Variants in HEPH observed in about 807,000 individuals in gnomAD.
HEPH encodes the protein hephaestin.
HEPH carries 69 observed loss-of-function variants against 80.8 expected under a neutral mutation model. That is an observed-to-expected ratio of 0.85 (90% confidence interval 0.70 to 1.04). The LOEUF is 1.04. Among genes scored for constraint, HEPH ranks in the 50% least tolerant of loss-of-function variants. The pLI is 0.00. For synonymous variants in HEPH, 431 were observed against 322.8 expected (o/e 1.34, Z -3.60); for missense variants, 1,115 against 891.3 (o/e 1.25, Z -3.20).
intron 10 of HEPH, 104 bp from the exon 11 acceptor site, chrX:66,198,774 G>A (rs755479970): frequency 5.2e-5 from 33 of 636,944 alleles, no homozygotes; most frequent in Non-Finnish European, 8.1e-5. Context: ...AATGGGAAAA[G>A]GAAATGGGAA....
chrX:66,180,722 G>A (rs1233880853), intron 4 of HEPH, among the ~76,000 whole-genome samples: 123 of 64,422 alleles, frequency 1.9e-3, no homozygotes, highest in Admixed American at 2.8e-3. Flanking sequence ...TATACTCTAA[G>A]TTTTAGGGTA....
intron 15 of HEPH, among the ~76,000 whole-genome samples, chrX:66,209,426 A>T (rs2088988160): frequency 8.9e-6 from 1 of 111,945 alleles, no homozygotes; most frequent in Non-Finnish European, 1.9e-5. Context: ...CATTCAAATA[A>T]GTTCTCATGC....
At chrX:66,165,771 CTTCCT>C (rs1293221291) in intron 1 of HEPH, among the ~76,000 whole-genome samples, 1 of 111,197 alleles carries the variant, frequency 9.0e-6, no homozygotes, top group Non-Finnish European at 1.9e-5. Flanking sequence ...TTCTTTTTTC[CTTCCT>C]TTGAGTGCCT....
At position 66,172,543 on chromosome X, in the gene HEPH, C is replaced by T. The variant is rs2086633529; in HGVS notation, c.356C>T (p.Ala119Val). The change falls in exon 3 of 21, where the codon GCC (alanine) becomes GTC (valine). Residue 119 changes from alanine (A) to valine (V), a missense_variant. By Grantham distance (64) the Ala-to-Val change is moderately conservative. This residue lies in a region of HEPH where 391 missense variants were observed against 343.6 expected (regional missense o/e 1.14). Coordinates refer to ENST00000343002, the MANE Select transcript of HEPH (RefSeq NM_001367233.3). Reference protein sequence around the residue: ...DVILIHLKNFATRPYTIHPHG... With the variant: ...DVILIHLKNFVTRPYTIHPHG... The stretch of plus-strand genomic sequence containing the variant: ...ATTCTTATTCACCTGAAGAATTTTG[C>T]CACTCGTCCCTATACCATCCACCCT... The T allele has an allele frequency of 1.7e-6, 2 of 1,207,227 alleles. No homozygotes were observed. The highest frequency in any genetic ancestry group is 2.2e-6 in the Non-Finnish European group (2 of 892,428).
At chrX:66,225,007 G>A (rs1487284513) in intron 15 of HEPH, among the ~76,000 whole-genome samples, 1 of 109,513 alleles carries the variant, frequency 9.1e-6, no homozygotes, top group Non-Finnish European at 1.9e-5. Context: ...CTGTGGTGGG[G>A]GTTGGTGGTG....
At chrX:66,181,913 C>A (rs2087174690) in intron 4 of HEPH, among the ~76,000 whole-genome samples, 1 of 109,318 alleles carries the variant, frequency 9.1e-6, no homozygotes, top group Admixed American at 9.7e-5. Context: ...CAGCTTTCTA[C>A]ATATGGCTAG....
At chrX:66,165,603 A>G (rs1372956204) in intron 1 of HEPH, among the ~76,000 whole-genome samples, 1 of 111,555 alleles carries the variant, frequency 9.0e-6, no homozygotes, top group Admixed American at 9.5e-5. Context: ...GCAAATTGTT[A>G]TGAATAATAG....
intron 11 of HEPH, 182 bp from the exon 12 acceptor site, chrX:66,200,358 A>C (rs2088366067): frequency 4.6e-6 from 2 of 438,614 alleles, no homozygotes; most frequent in African/African-American, 2.5e-5. Flanking sequence ...CACTCATCCC[A>C]AAGACAGAGA....
At chrX:66,167,685 A>G (rs2086434128) in intron 1 of HEPH, among the ~76,000 whole-genome samples, 1 of 112,092 alleles carries the variant, frequency 8.9e-6, no homozygotes, top group Admixed American at 9.5e-5. Flanking sequence ...CAGTGAATGT[A>G]AGTATTGGCA....
chrX:66,268,690 T>C (rs960535682), downstream of HEPH: 2 of 111,923 alleles, frequency 1.8e-5, no homozygotes, highest in Non-Finnish European at 3.8e-5. Flanking sequence ...TTTCTTCTTA[T>C]TTTGTAATCC....
rs144770762 is a variant in HEPH, at chrX:66,164,421, A to T, written c.-63A>T. On this transcript the variant is annotated 5_prime_UTR_variant, in exon 1 of 21. Coordinates refer to ENST00000343002, the MANE Select transcript of HEPH (RefSeq NM_001367233.3). Reference sequence around the variant, plus strand: ...GGACTCAGGCTGGGGTCTGCAGTGCAGCATTAATGGGCCGCTGACATGAAT... The same window carrying T: ...GGACTCAGGCTGGGGTCTGCAGTGCTGCATTAATGGGCCGCTGACATGAAT... The T allele has an allele frequency of 1.1e-5, 8 of 751,584 alleles. No homozygotes were observed. The East Asian group carries it at 1.1e-3, about 100-fold the overall frequency. 61.9% of individuals were successfully genotyped at this position (751,584 alleles called of 1,213,427 possible). A position where few individuals can be genotyped will look rare whatever the true frequency, so the allele number is the denominator to read the frequency against.
rs768361354 is a variant in HEPH, at chrX:66,258,967, C to T, written c.3024C>T (p.Ser1008=). Residue 1008 remains serine (S), a synonymous_variant, in exon 18 of 21, where the codon AGC becomes AGT. Coordinates refer to ENST00000343002, the MANE Select transcript of HEPH (RefSeq NM_001367233.3). The part of the protein sequence containing the change: ...DLHTIHFHAE[S]FLYRNGENYR... ...ACACCATCCACTTTCATGCAGAGAG[C>T]TTCCTCTATCGGGTGAGCTGGAAAA... The T allele has an allele frequency of 1.7e-6, 2 of 1,201,023 alleles. No homozygotes were observed.
intron 12 of HEPH, among the ~76,000 whole-genome samples, chrX:66,202,930 TATATATATACAC>T (rs1342584859): frequency 9.8e-6 from 1 of 102,072 alleles, no homozygotes; most frequent in African/African-American, 3.6e-5. Flanking sequence ...TATATATATA[TATATATATACAC>T]ACACACACAC....
At chrX:66,207,646 A>G (rs1289160434) in intron 14 of HEPH, among the ~76,000 whole-genome samples, 7 of 111,322 alleles carry the variant, frequency 6.3e-5, no homozygotes, top group African/African-American at 2.0e-4. Context: ...AACTATATAT[A>G]TACACAAGGA....
rs2087690679 is a variant in HEPH at position 66,189,773 on chromosome X, G to T, written c.898G>T (p.Glu300Ter). 1 of 1,211,363 alleles carries T rather than the reference G, an allele frequency of 8.3e-7. No individual in the cohort carries two copies. Among genetic ancestry groups the T allele is most frequent in the Non-Finnish European group, 1.1e-6 (1 of 895,380 alleles). ...VAWHLFGMGNEIDVHTAFFHG... is the reference protein window; with the variant it reads ...VAWHLFGMGN The stretch of plus-strand genomic sequence containing the variant: ...CTGGCACTTGTTTGGCATGGGCAAT[G>T]AAATTGATGTCCACACAGCATTTTT... The change falls in exon 6 of 21, where the codon GAA becomes TAA. Residue 300 changes from glutamate to a stop codon, truncating the protein, a stop_gained. Coordinates refer to ENST00000343002, the MANE Select transcript of HEPH (RefSeq NM_001367233.3). LOFTEE classifies it high-confidence loss of function.
chrX:66,231,278 A>G lies in HEPH; in HGVS notation c.2563+23032A>G, dbSNP rs1196504298. 3.5e-4 allele frequency among the ~76,000 whole-genome samples: 38 copies of G among 108,863 alleles called. 1 individual carries two copies. Among genetic ancestry groups the G allele is most frequent in the Non-Finnish European group, 4.4e-4 (23 of 52,482 alleles). The allele number at this position is 108,863 out of a possible 115,157, so 94.5% of individuals were successfully genotyped here. On this transcript the variant is annotated intron_variant, in intron 15 of 20. Transcript: ENST00000343002. ...GATGCGGGCTCTTTTTTGGTTCCAT[A>G]TGAACTTTGAAGTAGTTTTTTCCAA...
At chrX:66,189,181 T>A (rs1235830672) in intron 5 of HEPH, among the ~76,000 whole-genome samples, 1 of 112,024 alleles carries the variant, frequency 8.9e-6, no homozygotes, top group Non-Finnish European at 1.9e-5. Flanking sequence ...AACCATACAG[T>A]CCCCAAAGGA....
chrX:66,203,007 A>G (rs999864921), intron 12 of HEPH, among the ~76,000 whole-genome samples: 1 of 105,612 alleles, frequency 9.5e-6, no homozygotes, highest in Non-Finnish European at 1.9e-5. Context: ...ATAATAAATG[A>G]AAGATAGGGT....
At chrX:66,219,654 G>C (rs1261993316) in intron 15 of HEPH, among the ~76,000 whole-genome samples, 3 of 111,612 alleles carry the variant, frequency 2.7e-5, no homozygotes, top group Non-Finnish European at 3.8e-5. Flanking sequence ...TTCTCTCAGG[G>C]GGCCATGTAT....
Sources: allele counts gnomAD v4.1 joint callset (sites outside exome capture counted in the v4.1 genomes callset), GRCh38; gene constraint gnomAD v4.1.1; regional missense constraint gnomAD v4.1.1; transcripts MANE v1.5; gene names NCBI Gene and HGNC (gene_info 2026-07-23, HGNC 2026-07-21).